AXIN2: variants seen among roughly 807,000 people sequenced by gnomAD.
AXIN2 encodes axin-2.
In AXIN2, 21 loss-of-function variants were observed where a neutral mutation model predicts 74.7. That is an observed-to-expected ratio of 0.28 (90% CI 0.20 to 0.40). AXIN2 has a LOEUF of 0.40. AXIN2 is among the 10% of genes least tolerant of loss of function. The pLI is 1.00. For missense variants in AXIN2, 1,144 were observed against 1,111.1 expected, an observed-to-expected ratio of 1.03 and a Z score of -0.42; for synonymous variants, 532 against 454.9, an observed-to-expected ratio of 1.17 and a Z score of -2.16.
chr17:65,528,838 T>C lies in AXIN2; in HGVS notation c.*1138A>G. 9.6e-6 allele frequency: 4 copies of C among 417,890 alleles called. No individual in the cohort carries two copies. Among genetic ancestry groups the C allele is most frequent in the Non-Finnish European group, 1.8e-5 (4 of 227,090 alleles). The allele number at this position is 417,890 out of a possible 1,614,324, so 25.9% of individuals were successfully genotyped here. ...GACCGTGCAGGTACAGGTACTGTAC[T>C]GATTTAAAGTCAAGCACTAGAGATA... On this transcript the variant is annotated 3_prime_UTR_variant, in exon 11 of 11. Transcript: ENST00000307078.
chr17:65,542,905 G>A (rs1598105376), intron 3 of AXIN2, among the ~76,000 whole-genome samples: 1 of 152,184 alleles, frequency 6.6e-6, no homozygotes, highest in East Asian at 1.9e-4. Context: ...AATTAGCAAT[G>A]TCTAAAAATA....
At chr17:65,546,896 G>A (rs900925172) in intron 3 of AXIN2, among the ~76,000 whole-genome samples, 13 of 152,156 alleles carry the variant, frequency 8.5e-5, no homozygotes, top group Non-Finnish European at 1.8e-4. Context: ...GGAACCCAAA[G>A]GTATCTACTG....
At chr17:65,555,828 C>T (rs1356307472) in intron 2 of AXIN2, among the ~76,000 whole-genome samples, 1 of 152,158 alleles carries the variant, frequency 6.6e-6, no homozygotes, top group African/African-American at 2.4e-5. Flanking sequence ...GTGAGATCAT[C>T]TGGCTATGTC....
At chr17:65,554,679 C>A (rs9895291) in intron 2 of AXIN2, among the ~76,000 whole-genome samples, 27,498 of 152,178 alleles carry the variant, frequency 0.18, 2,699 homozygotes, top group Middle Eastern at 0.26. Context: ...AAGCAGCACT[C>A]GGAGCCAGCA....
At position 65,558,470 on chromosome 17, in the gene AXIN2, C is replaced by G. The variant is rs753631236; in HGVS notation, c.151G>C (p.Val51Leu). ...TCGTTCCGCCTGGTGTTGGAAGAGA[C>G]AGGCATGGGTTTGGTGACCTGGCCC... ...GKGQVTKPMP[V>L]SSNTRRNEDG... is the part of the protein sequence containing the mutation. The change falls in exon 2 of 11, where the codon GTC becomes CTC. Residue 51 changes from valine (V) to leucine (L), a missense_variant. Val to Leu is a conservative substitution (Grantham distance 32, BLOSUM62 1). Transcript: ENST00000307078. 7 of 1,604,952 alleles carry G rather than the reference C, an allele frequency of 4.4e-6. No homozygotes were observed. The South Asian group carries it at 7.8e-5, about 18-fold the overall frequency.
rs372266221 is a variant in AXIN2 at position 65,530,024 on chromosome 17, G to C, written c.2484C>G (p.Leu828=). 6.2e-7 allele frequency: 1 copy of C among 1,614,166 alleles called. No individual in the cohort carries two copies. The highest frequency in any genetic ancestry group is 2.2e-5 in the East Asian group (1 of 44,892). Residue 828 remains leucine, a synonymous_variant, in exon 11 of 11, where the codon CTC becomes CTG. Transcript: ENST00000307078. ...FEEIWEDETV[L]PMYEGRILGK... is the part of the protein sequence containing the mutation. Reference sequence around the variant, plus strand: ...CCAGAATCCGGCCTTCATACATCGGGAGCACCGTCTCATCCTCCCAGATCT... The same window carrying C: ...CCAGAATCCGGCCTTCATACATCGGCAGCACCGTCTCATCCTCCCAGATCT...
intron 1 of AXIN2, chr17:65,560,775 C>G (rs1181974256): frequency 6.6e-6 from 1 of 151,700 alleles, no homozygotes; most frequent in Non-Finnish European, 1.5e-5. Flanking sequence ...AGGGCCGCCC[C>G]GCACATCAAA....
intron 2 of AXIN2, among the ~76,000 whole-genome samples, chr17:65,552,412 G>A (rs952692909): frequency 1.3e-5 from 2 of 152,244 alleles, no homozygotes; most frequent in African/African-American, 4.8e-5. Flanking sequence ...AGTAAGGCGT[G>A]GATACTGCCT....
intron 2 of AXIN2, among the ~76,000 whole-genome samples, chr17:65,551,619 A>G (rs1355561974): frequency 6.6e-6 from 1 of 152,200 alleles, no homozygotes; most frequent in South Asian, 2.1e-4. Context: ...CTGTCTCAAC[A>G]GGGGATGGTG....
intron 1 of AXIN2, among the ~76,000 whole-genome samples, chr17:65,559,703 A>G (rs758470121): frequency 6.6e-5 from 10 of 152,100 alleles, no homozygotes; most frequent in Admixed American, 1.3e-4. Context: ...CTTTTTTCCA[A>G]AGAAAAAAGT....
chr17:65,559,975 A>G (rs11079572), intron 1 of AXIN2: 70,779 of 152,082 alleles, frequency 0.47, 18,541 homozygotes, highest in Admixed American at 0.59. Context: ...AGGCCGCCGA[A>G]GCCAGGCTCT....
At chr17:65,550,982 G>A (rs1468907116) in intron 2 of AXIN2, among the ~76,000 whole-genome samples, 1 of 152,200 alleles carries the variant, frequency 6.6e-6, no homozygotes. Flanking sequence ...CAGAATTCCA[G>A]CAGCCTGCCC....
rs180861461 is a variant in AXIN2, at chr17:65,530,131, G to C, written c.2406-29C>G. On this transcript the variant is annotated intron_variant, in intron 10 of 10. Coordinates refer to ENST00000307078, the MANE Select transcript of AXIN2 (RefSeq NM_004655.4). ...AAAAGGAAAACCAAAAAAGCTTCTT[G>C]GTAAACTGCATTTTCCACATTGTTG... 3.7e-5 allele frequency: 59 copies of C among 1,613,392 alleles called. No individual in the cohort carries two copies. In the East Asian group the frequency reaches 1.3e-3, roughly 35 times the overall value.
intron 2 of AXIN2, among the ~76,000 whole-genome samples, chr17:65,554,271 C>T (rs1009739903): frequency 6.6e-6 from 1 of 151,300 alleles, no homozygotes; most frequent in Non-Finnish European, 1.5e-5. Context: ...CTCCTCCTCA[C>T]GTTCCCTTCT....
intron 3 of AXIN2, among the ~76,000 whole-genome samples, 167 bp from the exon 4 acceptor site, chr17:65,541,724 C>T (rs2044046632): frequency 6.6e-6 from 1 of 152,222 alleles, no homozygotes; most frequent in South Asian, 2.1e-4. Flanking sequence ...GGGAAGGACC[C>T]ACCCAAGGTC....
chr17:65,536,700 C>T, intron 7 of AXIN2, 147 bp from the exon 8 acceptor site: 4 of 1,380,616 alleles, frequency 2.9e-6, no homozygotes, highest in Non-Finnish European at 4.1e-6. Context: ...GGGTCAGTGC[C>T]AAAACATGAC....
intron 10 of AXIN2, among the ~76,000 whole-genome samples, chr17:65,530,851 C>G (rs2043804011): frequency 6.6e-6 from 1 of 152,212 alleles, no homozygotes; most frequent in African/African-American, 2.4e-5. Flanking sequence ...TGATTAAAGG[C>G]TCCTTTCATC....
intron 1 of AXIN2, 42 bp from the exon 2 acceptor site, chr17:65,558,778 G>A (rs887133122): frequency 2.1e-5 from 16 of 747,664 alleles, no homozygotes; most frequent in African/African-American, 3.5e-5. Flanking sequence ...GAGAGAAAAG[G>A]GTATTGATCT....
intron 2 of AXIN2, among the ~76,000 whole-genome samples, chr17:65,551,071 G>A (rs751266496): frequency 6.6e-6 from 1 of 152,142 alleles, no homozygotes; most frequent in Non-Finnish European, 1.5e-5. Context: ...ACAAAGACTA[G>A]ACTCAACATG....
Sources: allele counts gnomAD v4.1 joint callset (sites outside exome capture counted in the v4.1 genomes callset), GRCh38; gene constraint gnomAD v4.1.1; transcripts MANE v1.5; gene names NCBI Gene and HGNC (gene_info 2026-07-23, HGNC 2026-07-21).